RANBP10: variants seen among roughly 807,000 people sequenced by gnomAD.
RANBP10 encodes the protein ran-binding protein 10.
RANBP10 carries 24 observed loss-of-function variants against 72.8 expected under a neutral mutation model. The observed-to-expected ratio is 0.33, with a 90% confidence interval of 0.24 to 0.46. RANBP10 has a LOEUF of 0.46. Among genes scored for constraint, RANBP10 ranks in the 20% least tolerant of loss-of-function variants. The probability of loss-of-function intolerance (pLI) is 1.00; values close to 1 mark genes in which losing one functional copy is unlikely to be tolerated. For synonymous variants in RANBP10, 310 were observed against 322.3 expected (o/e 0.96, Z 0.41); for missense variants, 679 against 817.5 (o/e 0.83, Z 2.07).
rs558590136 is a variant in RANBP10 at position 67,735,025 on chromosome 16, G to A, written c.609C>T (p.Thr203=). ...FTDLPANLYP[T]VGLQTPGEIV... is the part of the protein sequence containing the mutation. Reference sequence around the variant, plus strand: ...TCTCCCCAGGTGTCTGCAGGCCTACGGTGGGGTAGAGGTTGGCCTGAGGAG... The same window carrying A: ...TCTCCCCAGGTGTCTGCAGGCCTACAGTGGGGTAGAGGTTGGCCTGAGGAG... Residue 203 remains threonine, a synonymous_variant, in exon 6 of 14, where the codon ACC becomes ACT. Transcript: ENST00000317506. The A allele has an allele frequency of 3.8e-5, 61 of 1,607,948 alleles. 1 individual carries two copies. Among genetic ancestry groups the A allele is most frequent in the South Asian group, 8.9e-5 (8 of 90,310 alleles).
intron 2 of RANBP10, among the ~76,000 whole-genome samples, chr16:67,796,148 C>A (rs1221611101): frequency 9.9e-5 from 15 of 152,036 alleles, no homozygotes; most frequent in Non-Finnish European, 2.2e-4. Flanking sequence ...AAACTCCTGA[C>A]CTTGTGATCC....
chr16:67,731,215 C>T, intron 7 of RANBP10: 1 of 406,826 alleles, frequency 2.5e-6, no homozygotes. Context: ...TGGAACCAGC[C>T]ATGCCAGGGC....
rs369181133 is a variant in RANBP10 at position 67,726,567 on chromosome 16, G to A, written c.1733-9C>T. On this transcript the variant is annotated splice_polypyrimidine_tract_variant and intron_variant, in intron 13 of 13. Coordinates refer to ENST00000317506, the MANE Select transcript of RANBP10 (RefSeq NM_020850.3). ...TGGCAGGTTCTGGGACTCTGTGGAGGAAAGACAAGGCCTGGTCACTGGCCT... is the reference window on the plus strand; with the variant it reads ...TGGCAGGTTCTGGGACTCTGTGGAGAAAAGACAAGGCCTGGTCACTGGCCT... 2 of 1,550,622 alleles carry A rather than the reference G, an allele frequency of 1.3e-6. No homozygotes were observed. The highest frequency in any genetic ancestry group is 3.4e-4 in the Middle Eastern group (2 of 5,970).
chr16:67,771,175 A>C (rs953589336), intron 3 of RANBP10, among the ~76,000 whole-genome samples: 1 of 151,500 alleles, frequency 6.6e-6, no homozygotes, highest in Non-Finnish European at 1.5e-5. Flanking sequence ...GGATCACCTG[A>C]GTCTGGGAGG....
At chr16:67,774,451 G>A (rs1183565822) in intron 2 of RANBP10, among the ~76,000 whole-genome samples, 1 of 152,120 alleles carries the variant, frequency 6.6e-6, no homozygotes, top group Non-Finnish European at 1.5e-5. Flanking sequence ...CACAGGAGAC[G>A]CCTCTCCCTT....
chr16:67,748,088 G>A (rs1392170896), intron 3 of RANBP10, among the ~76,000 whole-genome samples: 2 of 151,344 alleles, frequency 1.3e-5, no homozygotes. Flanking sequence ...GCCTCCCAAA[G>A]GGCTGGGATT....
At chr16:67,748,294 A>G (rs1009099609) in intron 3 of RANBP10, among the ~76,000 whole-genome samples, 1 of 151,616 alleles carries the variant, frequency 6.6e-6, no homozygotes, top group Admixed American at 6.6e-5. Context: ...CCGAGGCAGG[A>G]GGACTGCTTG....
intron 3 of RANBP10, among the ~76,000 whole-genome samples, chr16:67,767,470 A>T (rs2054525497): frequency 6.6e-6 from 1 of 150,924 alleles, no homozygotes; most frequent in East Asian, 1.9e-4. Flanking sequence ...AAAAAAAAAA[A>T]AAAAAAAAAA....
intron 2 of RANBP10, among the ~76,000 whole-genome samples, chr16:67,781,972 AG>A (rs1309727963): frequency 6.6e-6 from 1 of 152,022 alleles, no homozygotes; most frequent in African/African-American, 2.4e-5. Flanking sequence ...CACCCGAGCA[AG>A]GGGGTCCACC....
intron 2 of RANBP10, among the ~76,000 whole-genome samples, chr16:67,795,848 C>T (rs1361034997): frequency 2.0e-5 from 3 of 150,434 alleles, no homozygotes; most frequent in Admixed American, 6.6e-5. Context: ...GAGTGAGACT[C>T]CGTCTCAAAA....
intron 2 of RANBP10, 68 bp downstream of exon 2, chr16:67,805,360 G>A: frequency 5.0e-6 from 7 of 1,409,146 alleles, no homozygotes; most frequent in South Asian, 3.6e-5. Context: ...GCCAGCCAAA[G>A]GACCTGAACT....
At chr16:67,744,501 G>C (rs1404142082) in intron 3 of RANBP10, 46 bp from the exon 4 acceptor site, 1 of 1,549,452 alleles carries the variant, frequency 6.5e-7, no homozygotes, top group Non-Finnish European at 8.8e-7. Flanking sequence ...ACTTGAGGGA[G>C]GAACAAGACA....
At chr16:67,795,226 C>T (rs1298780807) in intron 2 of RANBP10, among the ~76,000 whole-genome samples, 1 of 151,444 alleles carries the variant, frequency 6.6e-6, no homozygotes, top group Non-Finnish European at 1.5e-5. Flanking sequence ...GCCTGGGCAA[C>T]AGAGTGAGAC....
chr16:67,765,894 T>C (rs938785701), intron 3 of RANBP10, among the ~76,000 whole-genome samples: 1 of 152,112 alleles, frequency 6.6e-6, no homozygotes, highest in Non-Finnish European at 1.5e-5. Flanking sequence ...GTGCCTGTAG[T>C]ACCAGCTACT....
At chr16:67,767,235 C>T (rs1014299060) in intron 3 of RANBP10, among the ~76,000 whole-genome samples, 4 of 152,208 alleles carry the variant, frequency 2.6e-5, no homozygotes, top group African/African-American at 9.6e-5. Context: ...CCAGCAGACT[C>T]TGAACACCTC....
At chr16:67,760,836 A>G (rs2054382438) in intron 3 of RANBP10, among the ~76,000 whole-genome samples, 1 of 152,158 alleles carries the variant, frequency 6.6e-6, no homozygotes. Flanking sequence ...TGGGCCTCCT[A>G]TCAACACAGC....
chr16:67,740,133 T>C (rs1333904745), intron 4 of RANBP10, among the ~76,000 whole-genome samples: 4 of 148,918 alleles, frequency 2.7e-5, no homozygotes, highest in Non-Finnish European at 6.0e-5. Context: ...GACGGAGTCT[T>C]GCTCTGTCCC....
Position 67,726,223 on chromosome 16 carries a change from C to T in RANBP10, c.*205G>A, listed in dbSNP as rs558747765. 277 of 656,630 alleles carry T rather than the reference C, an allele frequency of 4.2e-4. No homozygotes were observed. Among genetic ancestry groups the T allele is most frequent in the Non-Finnish European group, 6.2e-4 (249 of 401,902 alleles). 40.7% of individuals were successfully genotyped at this position (656,630 alleles called of 1,614,324 possible). A position where few individuals can be genotyped will look rare whatever the true frequency, so the allele number is the denominator to read the frequency against. On this transcript the variant is annotated 3_prime_UTR_variant, in exon 14 of 14. Coordinates refer to ENST00000317506, the MANE Select transcript of RANBP10 (RefSeq NM_020850.3). ...CAATACTGTGTTACAGGCCGCTGCA[C>T]GTGAAGGGGAGAGAGAGAGAGACTG... is the stretch of plus-strand genomic sequence containing the variant.
chr16:67,772,223 T>C (rs2054621452), intron 2 of RANBP10, 137 bp from the exon 3 acceptor site: 2 of 881,798 alleles, frequency 2.3e-6, no homozygotes, highest in Non-Finnish European at 3.4e-6. Context: ...AACATACTAA[T>C]GGTTCTTGGA....
Sources: gnomAD v4.1 joint callset for allele counts (sites outside exome capture counted in the v4.1 genomes callset) on GRCh38, gnomAD v4.1.1 for gene constraint, MANE v1.5 for transcripts, NCBI Gene and HGNC (gene_info 2026-07-23, HGNC 2026-07-21) for gene names.